The following ERI1 variants were observed in gnomAD, a reference collection of about 807,000 sequenced individuals.
ERI1 encodes the protein 3'-5' exoribonuclease 1.
A neutral mutation model predicts 39.7 loss-of-function variants in ERI1; 39 were observed. The observed-to-expected ratio is 0.98, with a 90% CI of 0.76 to 1.28. The LOEUF is 1.28. Among genes scored for constraint, ERI1 ranks in the 50% most tolerant of loss-of-function variants. ERI1 has a pLI of 0.00. For synonymous variants in ERI1, 204 were observed against 149.6 expected (o/e 1.36, Z -2.65); for missense variants, 581 against 416.9 (o/e 1.39, Z -3.43).
intron 3 of ERI1, among the ~76,000 whole-genome samples, chr8:9,057,426 A>G (rs1488315765): frequency 6.6e-6 from 1 of 152,206 alleles, no homozygotes; most frequent in Non-Finnish European, 1.5e-5. Flanking sequence ...CAACAACTCC[A>G]ATCGCCACCT....
chr8:9,038,649 TGGG>T (rs1797926943), intron 3 of ERI1, among the ~76,000 whole-genome samples: 1 of 152,114 alleles, frequency 6.6e-6, no homozygotes. Context: ...CCCATCTACT[TGGG>T]GGGCTGACTT....
intron 3 of ERI1, among the ~76,000 whole-genome samples, chr8:9,074,460 G>C (rs1173969693): frequency 6.6e-6 from 1 of 151,978 alleles, no homozygotes; most frequent in Non-Finnish European, 1.5e-5. Context: ...TTTTATTTTT[G>C]AGACAAGGTC....
chr8:9,006,691 A>C (rs193193344), intron 1 of ERI1, among the ~76,000 whole-genome samples: 3 of 152,058 alleles, frequency 2.0e-5, no homozygotes, highest in African/African-American at 7.2e-5. Context: ...TTTTTCCTTA[A>C]CATTGTTAAC....
At position 9,093,372 on chromosome 8, in the gene ERI1, G is replaced by A. The variant is rs139600436; in HGVS notation, n.300-22976G>A. Reference sequence around the variant, plus strand: ...GGTTGGACAAGCTTGAAACACAGTCGCCTTCTGAAGTACTGGGGGTTGAAA... The same window carrying A: ...GGTTGGACAAGCTTGAAACACAGTCACCTTCTGAAGTACTGGGGGTTGAAA... On this transcript the variant is annotated intron_variant and non_coding_transcript_variant, in intron 3 of 3. Transcript: ENST00000518663. 5.2e-3 allele frequency among the ~76,000 whole-genome samples: 787 copies of A among 152,214 alleles called. 2 individuals are homozygous for A. Among genetic ancestry groups the A allele is most frequent in the African/African-American group, 0.017 (698 of 41,518 alleles).
chr8:9,018,248 C>T (rs1446458446), intron 4 of ERI1, 49 bp from the exon 5 acceptor site: 20 of 1,097,260 alleles, frequency 1.8e-5, no homozygotes, highest in East Asian at 9.4e-5. Flanking sequence ...TGTAGGTCTA[C>T]GTGAAGCTGC....
chr8:9,080,811 G>A (rs1031617837), intron 3 of ERI1, among the ~76,000 whole-genome samples: 1 of 152,136 alleles, frequency 6.6e-6, no homozygotes, highest in African/African-American at 2.4e-5. Context: ...GCTAAATGGG[G>A]GGTGGAGGGC....
intron 3 of ERI1, among the ~76,000 whole-genome samples, chr8:9,093,504 TAA>T (rs1040785856): frequency 0.11 from 13,904 of 124,690 alleles, 896 homozygotes; most frequent in Non-Finnish European, 0.17. Context: ...ACCTTGTCTC[TAA>T]AAAAAAAAAA....
intron 3 of ERI1, among the ~76,000 whole-genome samples, chr8:9,050,499 C>G (rs1223081829): frequency 1.3e-5 from 1 of 78,624 alleles, no homozygotes; most frequent in African/African-American, 4.3e-5. Flanking sequence ...AAGAGTGAAA[C>G]TCCATCTCAA....
intron 3 of ERI1, among the ~76,000 whole-genome samples, chr8:9,015,740 A>AAAAAAG (rs1182633803): frequency 6.7e-6 from 1 of 148,406 alleles, no homozygotes; most frequent in African/African-American, 2.6e-5. Context: ...AAAAAAAAAA[A>AAAAAAG]AGAGACCATC....
chr8:9,052,230 A>G (rs556334411), intron 3 of ERI1, among the ~76,000 whole-genome samples: 1 of 151,780 alleles, frequency 6.6e-6, no homozygotes, highest in Non-Finnish European at 1.5e-5. Context: ...CTCCTAGTAC[A>G]CTTCCTGGCA....
chr8:9,019,878 A>G (rs1270407629), intron 5 of ERI1, among the ~76,000 whole-genome samples: 1 of 152,322 alleles, frequency 6.6e-6, no homozygotes, highest in East Asian at 1.9e-4. Flanking sequence ...ATATTACACA[A>G]TCAGTATTGT....
At chr8:9,037,665 G>A (rs951382109), downstream of ERI1, among the ~76,000 whole-genome samples, 3 of 152,134 alleles carry the variant, frequency 2.0e-5, no homozygotes, top group African/African-American at 7.2e-5. Flanking sequence ...GCAAAAGGTA[G>A]CGTAAGTCCT....
chr8:9,060,259 A>C (rs1201828144), intron 3 of ERI1, among the ~76,000 whole-genome samples: 3 of 152,152 alleles, frequency 2.0e-5, no homozygotes, highest in Non-Finnish European at 2.9e-5. Flanking sequence ...TGTCTGACAG[A>C]AGGGAAGAAA....
rs1563340000 is a variant in ERI1 at position 9,031,070 on chromosome 8, C to G, written c.*1036C>G. ...CATTTCGACTTGATAAGGTAAAACT[C>G]TTATCTAGAGGCTAAACCCATGTAT... On this transcript the variant is annotated 3_prime_UTR_variant, in exon 7 of 7. Transcript: ENST00000250263. The G allele has an allele frequency of 6.6e-6, 1 of 152,160 alleles. No individual in the cohort carries two copies. The highest frequency in any genetic ancestry group is 1.5e-5 in the Non-Finnish European group (1 of 68,000). The allele number at this position is 152,160 out of a possible 1,614,324, so 9.4% of individuals were successfully genotyped here. A position where few individuals can be genotyped will look rare whatever the true frequency, so the allele number is the denominator to read the frequency against.
downstream of ERI1, among the ~76,000 whole-genome samples, chr8:9,037,107 C>T (rs1585248707): frequency 1.3e-5 from 2 of 152,152 alleles, no homozygotes; most frequent in East Asian, 3.8e-4. Context: ...AAAAACCTTC[C>T]TAAAATGTTG....
chr8:9,027,785 C>G (rs1797291490), intron 6 of ERI1, among the ~76,000 whole-genome samples: 1 of 152,172 alleles, frequency 6.6e-6, no homozygotes, highest in Non-Finnish European at 1.5e-5. Context: ...TATTTCTAGA[C>G]TCTCTTCGGT....
At chr8:9,079,904 C>G (rs1473805483) in intron 3 of ERI1, among the ~76,000 whole-genome samples, 2 of 151,818 alleles carry the variant, frequency 1.3e-5, no homozygotes, top group Admixed American at 6.6e-5. Context: ...CACCTAGGCT[C>G]CAGCAGTCCT....
At chr8:9,010,329 TA>T (rs376655586) in intron 2 of ERI1, among the ~76,000 whole-genome samples, 10 of 151,956 alleles carry the variant, frequency 6.6e-5, no homozygotes, top group African/African-American at 2.4e-4. Context: ...AATAAAAAGA[TA>T]AAAAAAGAAA....
intron 3 of ERI1, among the ~76,000 whole-genome samples, chr8:9,090,031 G>C (rs1280202432): frequency 1.3e-5 from 2 of 151,956 alleles, no homozygotes. Context: ...GCATTTTTTT[G>C]GATTGTCATC....
Sources: gnomAD v4.1 joint callset for allele counts (sites outside exome capture counted in the v4.1 genomes callset) on GRCh38, gnomAD v4.1.1 for gene constraint, MANE v1.5 for transcripts, NCBI Gene and HGNC (gene_info 2026-07-23, HGNC 2026-07-21) for gene names.